Variants in CLYBL observed in about 807,000 individuals in gnomAD.
The protein encoded by CLYBL is citramalyl-CoA lyase.
In CLYBL, 31 loss-of-function variants were observed where a neutral mutation model predicts 38.9. The observed-to-expected ratio is 0.80, with a 90% CI of 0.60 to 1.08. The LOEUF is 1.08. CLYBL is among the 50% of genes least tolerant of loss of function. The probability of loss-of-function intolerance (pLI) is 0.00; values close to 1 mark genes in which losing one functional copy is unlikely to be tolerated. For missense variants in CLYBL, 434 were observed against 411.6 expected, an observed-to-expected ratio of 1.05 and a Z score of -0.47; for synonymous variants, 171 against 158.6, an observed-to-expected ratio of 1.08 and a Z score of -0.59.
intron 1 of CLYBL, among the ~76,000 whole-genome samples, chr13:99,710,881 C>CTTTTTTTTT (rs748011707): frequency 2.4e-5 from 2 of 83,892 alleles, no homozygotes; most frequent in Non-Finnish European, 4.3e-5. Flanking sequence ...TTTCTAACCC[C>CTTTTTTTTT]TTTTTTTTTT....
At chr13:99,827,608 C>A (rs1011476856) in intron 2 of CLYBL, among the ~76,000 whole-genome samples, 1 of 152,216 alleles carries the variant, frequency 6.6e-6, no homozygotes, top group African/African-American at 2.4e-5. Flanking sequence ...ACATCCACCC[C>A]CTACCAACCA....
intron 1 of CLYBL, among the ~76,000 whole-genome samples, chr13:99,615,927 G>A (rs1263166739): frequency 2.0e-5 from 3 of 152,094 alleles, no homozygotes; most frequent in Admixed American, 2.0e-4. Flanking sequence ...TCTGCCTCCT[G>A]GGTTCAAGCG....
intron 7 of CLYBL, among the ~76,000 whole-genome samples, chr13:99,871,748 T>C (rs1047917465): frequency 6.6e-6 from 1 of 152,182 alleles, no homozygotes; most frequent in Non-Finnish European, 1.5e-5. Context: ...GAAGGAAGAT[T>C]TTATGCTAGT....
chr13:99,805,408 A>C (rs1017094842), intron 2 of CLYBL, among the ~76,000 whole-genome samples: 2 of 152,052 alleles, frequency 1.3e-5, no homozygotes, highest in Admixed American at 6.6e-5. Context: ...ATTTGAAGAG[A>C]GTCAGAAAGC....
intron 1 of CLYBL, among the ~76,000 whole-genome samples, chr13:99,717,436 G>GAAAAAAAAAAAAAA (rs1172721313): frequency 4.4e-5 from 4 of 91,082 alleles, no homozygotes; most frequent in Admixed American, 1.3e-4. Context: ...AAAAAAATTA[G>GAAAAAAAAAAAAAA]AAAAAAAAAA....
intron 1 of CLYBL, among the ~76,000 whole-genome samples, chr13:99,771,683 C>G (rs2049398882): frequency 6.6e-6 from 1 of 152,088 alleles, no homozygotes; most frequent in African/African-American, 2.4e-5. Flanking sequence ...CTTTTTATTT[C>G]TACCAGAGAC....
At chr13:99,880,068 A>ATTTTT (rs1555324345) in intron 7 of CLYBL, among the ~76,000 whole-genome samples, 49 of 101,186 alleles carry the variant, frequency 4.8e-4, no homozygotes, top group African/African-American at 1.7e-3. Flanking sequence ...ATATATATAT[A>ATTTTT]TTTTTTTTTT....
intron 2 of CLYBL, among the ~76,000 whole-genome samples, chr13:99,792,329 G>A (rs1021017314): frequency 6.6e-6 from 1 of 152,120 alleles, no homozygotes; most frequent in African/African-American, 2.4e-5. Context: ...GGAATGGGAG[G>A]GCAGCTGCAG....
At chr13:99,852,134 CTA>C (rs1360158803) in intron 2 of CLYBL, among the ~76,000 whole-genome samples, 1 of 152,170 alleles carries the variant, frequency 6.6e-6, no homozygotes, top group African/African-American at 2.4e-5. Flanking sequence ...ATAAGCAAAT[CTA>C]TAGAGGCAGA....
chr13:99,874,537 GTTC>G (rs140706647), intron 7 of CLYBL, among the ~76,000 whole-genome samples: 2,690 of 152,038 alleles, frequency 0.018, 87 homozygotes, highest in African/African-American at 0.061. Context: ...GATTTCAACA[GTTC>G]TTTTTTATCA....
At position 99,606,709 on chromosome 13, in the gene CLYBL, TGCTGCGGAGGGCGGCGCGCGGA is replaced by T. The variant is rs1298925428; in HGVS notation, c.22_43del (p.Ala9ArgfsTer4). The T allele has an allele frequency of 3.3e-6, 5 of 1,493,718 alleles. No individual in the cohort carries two copies. Among genetic ancestry groups the T allele is most frequent in the Middle Eastern group, 2.2e-4 (1 of 4,528 alleles). The allele number at this position is 1,493,718 out of a possible 1,614,324, so 92.5% of individuals were successfully genotyped here. A position where few individuals can be genotyped will look rare whatever the true frequency, so the allele number is the denominator to read the frequency against. On this transcript the variant is annotated frameshift_variant, in exon 1 of 9. Coordinates refer to ENST00000339105, the MANE Select transcript of CLYBL (RefSeq NM_206808.5). LOFTEE classifies it high-confidence loss of function. ...CGCGTCGGGAAGATGGCGCTACGTC[TGCTGCGGAGGGCGGCGCGCGGA>T]GCTGCGGCGGCGGCGCTGCTGAGGC...
intron 1 of CLYBL, among the ~76,000 whole-genome samples, chr13:99,735,189 G>A (rs2048648246): frequency 6.6e-6 from 1 of 152,062 alleles, no homozygotes; most frequent in Non-Finnish European, 1.5e-5. Flanking sequence ...TGTTGTTGTT[G>A]TTTGTTTGCT....
intron 1 of CLYBL, among the ~76,000 whole-genome samples, chr13:99,639,990 G>T (rs1416687486): frequency 6.6e-6 from 1 of 152,168 alleles, no homozygotes; most frequent in East Asian, 1.9e-4. Flanking sequence ...AATTATGCAG[G>T]AAAATTCCAG....
intron 2 of CLYBL, among the ~76,000 whole-genome samples, chr13:99,850,275 A>G (rs150930515): frequency 1.8e-3 from 269 of 152,356 alleles, no homozygotes; most frequent in African/African-American, 6.1e-3. Flanking sequence ...CAGAATATCT[A>G]AAGAACTGTT....
exon 9 of CLYBL, among the ~76,000 whole-genome samples, chr13:99,905,366 C>T (rs981604370): frequency 1.3e-5 from 2 of 152,218 alleles, no homozygotes; most frequent in African/African-American, 2.4e-5. Context: ...TTGATCTGCC[C>T]TCCAGCACAC....
intron 2 of CLYBL, among the ~76,000 whole-genome samples, chr13:99,848,316 A>G (rs538150618): frequency 2.3e-4 from 35 of 152,320 alleles, no homozygotes; most frequent in African/African-American, 7.2e-4. Context: ...AAATTCCCAG[A>G]CTTCAACAGG....
At chr13:99,819,503 T>C in intron 2 of CLYBL, among the ~76,000 whole-genome samples, 1 of 127,434 alleles carries the variant, frequency 7.8e-6, no homozygotes, top group African/African-American at 2.9e-5. Flanking sequence ...ACAGAACCAA[T>C]AGGATATATA....
chr13:99,861,609 G>C (rs896902763), intron 3 of CLYBL, among the ~76,000 whole-genome samples: 1 of 152,100 alleles, frequency 6.6e-6, no homozygotes. Context: ...TTTTGGTTGA[G>C]TTATTCCTTC....
rs571790775 is a variant in CLYBL, at chr13:99,668,972, G to A, written c.62+62215G>A. ...CAGGAGGCAGATGCCCAAGAAGTGTGGGCAGATCTAGGGGTGACTTTATAG... is the reference window on the plus strand; with the variant it reads ...CAGGAGGCAGATGCCCAAGAAGTGTAGGCAGATCTAGGGGTGACTTTATAG... On this transcript the variant is annotated intron_variant, in intron 1 of 8. Coordinates refer to ENST00000339105, the MANE Select transcript of CLYBL (RefSeq NM_206808.5). Among the ~76,000 whole-genome samples the A allele has an allele frequency of 3.0e-4, 45 of 152,064 alleles. No homozygotes were observed. The South Asian group carries it at 6.2e-3, about 21-fold the overall frequency.
Sources: gnomAD v4.1 joint callset for allele counts (sites outside exome capture counted in the v4.1 genomes callset) on GRCh38, gnomAD v4.1.1 for gene constraint, MANE v1.5 for transcripts, NCBI Gene and HGNC (gene_info 2026-07-23, HGNC 2026-07-21) for gene names.